Variants in EEF2K observed in about 807,000 individuals in gnomAD.
EEF2K encodes alternative protein EEF2K.
EEF2K carries 70 observed loss-of-function variants against 93.8 expected under a neutral mutation model. The observed-to-expected ratio is 0.75, with a 90% confidence interval of 0.62 to 0.91. EEF2K has a LOEUF of 0.91. Ranked by LOEUF, EEF2K falls within the 40% of genes least tolerant of loss-of-function variation. The pLI is 0.00. For synonymous variants in EEF2K, 376 were observed against 380.8 expected (o/e 0.99, Z 0.15); for missense variants, 935 against 972.9 (o/e 0.96, Z 0.52).
At position 22,251,331 on chromosome 16, in the gene EEF2K, C is replaced by T. The variant is rs761579842; in HGVS notation, c.618+9C>T. 1.2e-5 allele frequency: 20 copies of T among 1,613,286 alleles called. No individual in the cohort carries two copies. The Middle Eastern group carries it at 5.0e-4, about 40-fold the overall frequency. On this transcript the variant is annotated intron_variant, in intron 6 of 17. Transcript: ENST00000263026. ...ACAAGCCCCCCAAGCAGGTGCGTGG[C>T]CCCACTACCTGCCCCCTTTCCATGC...
intron 2 of EEF2K, among the ~76,000 whole-genome samples, chr16:22,228,006 C>CTTTTTTTTTTTTTTT (rs1051682997): frequency 1.2e-5 from 1 of 80,026 alleles, no homozygotes; most frequent in Non-Finnish European, 2.2e-5. Context: ...AAACCAAATT[C>CTTTTTTTTTTTTTTT]TTTTTTTTTT....
chr16:22,250,748 G>T, intron 5 of EEF2K, 57 bp downstream of exon 5: 1 of 1,609,308 alleles, frequency 6.2e-7, no homozygotes, highest in Non-Finnish European at 8.5e-7. Flanking sequence ...AGGCTCCTAA[G>T]AGCTGAGGCA....
chr16:22,280,016 G>GAATGAATGGA (rs2047676893), intron 16 of EEF2K, among the ~76,000 whole-genome samples, 182 bp from the exon 17 acceptor site: 1 of 151,956 alleles, frequency 6.6e-6, no homozygotes, highest in African/African-American at 2.4e-5. Context: ...GAATGAATGA[G>GAATGAATGGA]TGAATGAATA....
At chr16:22,256,707 G>A (rs375099811) in intron 6 of EEF2K, 41 bp from the exon 7 acceptor site, 124 of 1,599,900 alleles carry the variant, frequency 7.8e-5, no homozygotes, top group South Asian at 3.1e-4. Context: ...GAGGAGGTGC[G>A]CCTGGGCCCT....
chr16:22,248,224 T>C (rs2047314626), intron 3 of EEF2K, among the ~76,000 whole-genome samples: 1 of 151,612 alleles, frequency 6.6e-6, no homozygotes, highest in Non-Finnish European at 1.5e-5. Flanking sequence ...ACCACCATGC[T>C]CGGCTAATTT....
intron 8 of EEF2K, 126 bp from the exon 9 acceptor site, chr16:22,257,517 G>A (rs906443300): frequency 2.6e-6 from 4 of 1,545,456 alleles, no homozygotes; most frequent in Non-Finnish European, 3.5e-6. Flanking sequence ...ATGGGAGCCT[G>A]GATGTCTGAT....
chr16:22,266,517 T>TG lies in EEF2K; in HGVS notation c.1572dup (p.Lys525GlufsTer75). On this transcript the variant is annotated frameshift_variant, in exon 14 of 18. Coordinates refer to ENST00000263026, the MANE Select transcript of EEF2K (RefSeq NM_013302.5). LOFTEE classifies it high-confidence loss of function. ...GAAAAGAAAATCGGGAAGTCCATTT[T>TG]GGGGAAGGTATCGGCGATGCCCATT... 5 of 1,614,182 alleles carry TG rather than the reference T, an allele frequency of 3.1e-6. No homozygotes were observed. The highest frequency in any genetic ancestry group is 4.2e-6 in the Non-Finnish European group (5 of 1,180,022).
At chr16:22,229,503 G>A (rs925624103) in intron 2 of EEF2K, among the ~76,000 whole-genome samples, 2 of 152,084 alleles carry the variant, frequency 1.3e-5, no homozygotes, top group Non-Finnish European at 2.9e-5. Context: ...AGGAGTTTGA[G>A]ACCAGCCTGG....
chr16:22,246,022 G>T (rs2047286686), intron 3 of EEF2K, among the ~76,000 whole-genome samples: 1 of 152,112 alleles, frequency 6.6e-6, no homozygotes, highest in South Asian at 2.1e-4. Context: ...AGATCCCACA[G>T]GTTGGAGGCT....
chr16:22,264,677 A>T (rs564030174), intron 12 of EEF2K, 141 bp from the exon 13 acceptor site: 22 of 725,542 alleles, frequency 3.0e-5, no homozygotes, highest in South Asian at 3.0e-4. Context: ...TCACCTGGGA[A>T]CATAGGGCCA....
At chr16:22,223,623 G>A (rs944898153) in intron 1 of EEF2K, among the ~76,000 whole-genome samples, 1 of 152,110 alleles carries the variant, frequency 6.6e-6, no homozygotes, top group Non-Finnish European at 1.5e-5. Context: ...CTTCCCTGTT[G>A]AATCATCTTG....
At chr16:22,211,961 A>G (rs2046918637) in intron 1 of EEF2K, among the ~76,000 whole-genome samples, 1 of 151,906 alleles carries the variant, frequency 6.6e-6, no homozygotes, top group Admixed American at 6.6e-5. Context: ...GGCCACCGAG[A>G]GGGCTGGGCA....
At chr16:22,214,179 T>TTG (rs2046939219) in intron 1 of EEF2K, among the ~76,000 whole-genome samples, 1 of 152,144 alleles carries the variant, frequency 6.6e-6, no homozygotes, top group African/African-American at 2.4e-5. Context: ...CCTAATCTCA[T>TTG]TGTATCCTCA....
Position 22,266,853 on chromosome 16 carries a change from A to T in EEF2K, c.1741A>T (p.Ile581Phe), listed in dbSNP as rs774875110. Residue 581 changes from isoleucine to phenylalanine, a missense_variant, in exon 15 of 18, where the codon ATC becomes TTC. Transcript: ENST00000263026. ...GLMYSQLPHH[I>F]LADVSLKETE... The stretch of plus-strand genomic sequence containing the variant: ...CATGTACTCGCAGTTGCCTCATCAC[A>T]TCCTAGCCGATGTCTCTCTGAAGGT... The T allele has an allele frequency of 5.0e-6, 8 of 1,611,910 alleles. No homozygotes were observed. The East Asian group carries it at 1.3e-4, about 27-fold the overall frequency.
At chr16:22,267,712 C>A (rs182067167) in intron 15 of EEF2K, among the ~76,000 whole-genome samples, 1 of 152,174 alleles carries the variant, frequency 6.6e-6, no homozygotes, top group East Asian at 1.9e-4. Flanking sequence ...TGTGCTTAGG[C>A]CCAGAGGTGA....
intron 2 of EEF2K, among the ~76,000 whole-genome samples, chr16:22,237,392 C>T (rs567661673): frequency 2.4e-4 from 36 of 151,644 alleles, no homozygotes; most frequent in Non-Finnish European, 4.4e-4. Flanking sequence ...AATCCCAGCA[C>T]TTTGGGAGGC....
At chr16:22,229,348 T>A (rs1222358564) in intron 2 of EEF2K, among the ~76,000 whole-genome samples, 2 of 152,180 alleles carry the variant, frequency 1.3e-5, no homozygotes, top group African/African-American at 4.8e-5. Context: ...TGGACATCCT[T>A]CTCTGGACTG....
chr16:22,274,130 ACT>A (rs2047611938), intron 16 of EEF2K, among the ~76,000 whole-genome samples: 1 of 151,878 alleles, frequency 6.6e-6, no homozygotes, highest in Non-Finnish European at 1.5e-5. Flanking sequence ...ACATGGTGAA[ACT>A]CTGTCTCTAC....
At chr16:22,214,484 C>A (rs114539171) in intron 1 of EEF2K, among the ~76,000 whole-genome samples, 2 of 151,418 alleles carry the variant, frequency 1.3e-5, no homozygotes, top group African/African-American at 4.9e-5. Flanking sequence ...TGTAGGGAGA[C>A]GCCCATCTCT....
Sources: gnomAD v4.1 joint callset for allele counts (sites outside exome capture counted in the v4.1 genomes callset) on GRCh38, gnomAD v4.1.1 for gene constraint, MANE v1.5 for transcripts, NCBI Gene and HGNC (gene_info 2026-07-23, HGNC 2026-07-21) for gene names.